Variants in PHLDB2 observed in about 807,000 individuals in gnomAD.
The protein encoded by PHLDB2 is pleckstrin homology like domain family B member 2.
PHLDB2 carries 71 observed loss-of-function variants against 123.6 expected under a neutral mutation model. That is an observed-to-expected ratio of 0.57 (90% CI 0.47 to 0.70). The LOEUF is 0.70. PHLDB2 is among the 30% of genes least tolerant of loss of function. PHLDB2 has a pLI of 0.00. For synonymous variants in PHLDB2, 547 were observed against 541.6 expected (o/e 1.01, Z -0.14); for missense variants, 1,446 against 1,519.5 (o/e 0.95, Z 0.80).
chr3:111,846,273 A>G (rs1024559684), intron 2 of PHLDB2: 19 of 227,988 alleles, frequency 8.3e-5, no homozygotes, highest in Non-Finnish European at 1.3e-4. Flanking sequence ...GATGGGATGT[A>G]TAGAGAAAGA....
intron 1 of PHLDB2, among the ~76,000 whole-genome samples, chr3:111,879,960 T>C (rs954204501): frequency 5.4e-5 from 8 of 149,196 alleles, no homozygotes; most frequent in Non-Finnish European, 1.2e-4. Flanking sequence ...TCAAGACCCA[T>C]ATCTTGAAAC....
intron 1 of PHLDB2, chr3:111,859,897 C>T: frequency 1.0e-6 from 1 of 983,202 alleles, no homozygotes; most frequent in Non-Finnish European, 1.2e-6. Flanking sequence ...GCTCCGGGGA[C>T]ACAGAGTTTC....
chr3:111,735,611 C>T (rs1004616245), intron 1 of PHLDB2, among the ~76,000 whole-genome samples: 20 of 152,226 alleles, frequency 1.3e-4, no homozygotes, highest in African/African-American at 4.1e-4. Context: ...ATCACCATGT[C>T]TACCAGCACC....
chr3:111,873,021 G>A (rs1291734297), intron 1 of PHLDB2, among the ~76,000 whole-genome samples: 2 of 152,146 alleles, frequency 1.3e-5, no homozygotes, highest in Non-Finnish European at 2.9e-5. Flanking sequence ...TATCAAACAC[G>A]AATATCCCTT....
chr3:111,859,442 G>T lies in PHLDB2; in HGVS notation c.-149G>T. On this transcript the variant is annotated 5_prime_UTR_variant, in exon 1 of 18. Transcript: ENST00000431670. ...CCGCGGTGGTTACAAAGGGGGTCAA[G>T]AGTGCCGGACCCAGCCGCGCGGAGC... 1.0e-6 allele frequency: 1 copy of T among 985,600 alleles called. No individual in the cohort carries two copies. Among genetic ancestry groups the T allele is most frequent in the Non-Finnish European group, 1.2e-6 (1 of 830,052 alleles). 61.1% of individuals were successfully genotyped at this position (985,600 alleles called of 1,614,324 possible).
chr3:111,919,528 C>G (rs1184651595), intron 4 of PHLDB2, among the ~76,000 whole-genome samples: 1 of 152,110 alleles, frequency 6.6e-6, no homozygotes, highest in Non-Finnish European at 1.5e-5. Flanking sequence ...CTGAGGTGCT[C>G]TGTATTTAGA....
rs117202143 is a variant in PHLDB2 at position 111,891,994 on chromosome 3, A to G, written c.1335+6582A>G. Among the ~76,000 whole-genome samples, 40 of 152,258 alleles carry G rather than the reference A, an allele frequency of 2.6e-4. No individual in the cohort carries two copies. The East Asian group carries it at 5.8e-3, about 22-fold the overall frequency. The stretch of plus-strand genomic sequence containing the variant: ...CCACAAATTGCATTGTAGCCATCCA[A>G]TATTTTCTTTCTGACTGGTGATAGT... On this transcript the variant is annotated intron_variant, in intron 2 of 17. Transcript: ENST00000431670.
At chr3:111,894,603 C>G (rs1282052467) in intron 2 of PHLDB2, among the ~76,000 whole-genome samples, 9 of 151,898 alleles carry the variant, frequency 5.9e-5, no homozygotes, top group Admixed American at 5.3e-4. Context: ...GATTGCCTTT[C>G]TAACTGGTGT....
chr3:111,761,815 C>T (rs965661537), intron 1 of PHLDB2, among the ~76,000 whole-genome samples: 2 of 152,142 alleles, frequency 1.3e-5, no homozygotes, highest in African/African-American at 4.8e-5. Flanking sequence ...AGAATTGAGC[C>T]ACAGAGGCCA....
Position 111,807,114 on chromosome 3 carries a change from G to GT in PHLDB2, c.-48-38704dup, listed in dbSNP as rs199758348. The stretch of plus-strand genomic sequence containing the variant: ...CTAGAATAGGAAAAAAATAAACCTG[G>GT]TTTAGGGGATCAGAATGGCTATTTC... On this transcript the variant is annotated intron_variant, in intron 1 of 17. Coordinates refer to the PHLDB2 transcript ENST00000393923. 3.6e-3 allele frequency among the ~76,000 whole-genome samples: 538 copies of GT among 151,448 alleles called. 6 individuals carry two copies. Among genetic ancestry groups the GT allele is most frequent in the African/African-American group, 0.012 (509 of 41,230 alleles).
intron 1 of PHLDB2, among the ~76,000 whole-genome samples, chr3:111,738,361 A>G (rs973417428): frequency 3.3e-5 from 5 of 152,206 alleles, no homozygotes; most frequent in Non-Finnish European, 7.3e-5. Flanking sequence ...CTGTGGCTTT[A>G]TGCCAATTTT....
At chr3:111,915,971 T>G (rs2068147618) in intron 3 of PHLDB2, 3 of 152,238 alleles carry the variant, frequency 2.0e-5, no homozygotes, top group Admixed American at 2.0e-4. Context: ...TTTGCTTCCT[T>G]TTGATCTTAA....
At chr3:111,898,178 G>T (rs375587794) in intron 2 of PHLDB2, among the ~76,000 whole-genome samples, 4 of 96,274 alleles carry the variant, frequency 4.2e-5, no homozygotes, top group South Asian at 3.8e-4. Context: ...GTGTGTGTGT[G>T]TGTTTGTGTG....
In PHLDB2 at chr3:111,952,689, A is replaced by G. The variant is rs770519942; in HGVS notation, c.2749A>G (p.Met917Val). The G allele has an allele frequency of 5.0e-6, 8 of 1,613,554 alleles. No homozygotes were observed. Among genetic ancestry groups the G allele is most frequent in the South Asian group, 2.2e-5 (2 of 90,946 alleles). ...SISPHFSSAT[M>V]GRSITPKAHL... Reference sequence around the variant, plus strand: ...CTCCCCACATTTCAGCAGTGCTACTATGGGGAGAAGCATCACCCCAAAGGT... The same window carrying G: ...CTCCCCACATTTCAGCAGTGCTACTGTGGGGAGAAGCATCACCCCAAAGGT... Residue 917 changes from methionine (M) to valine (V), a missense_variant, in exon 11 of 18, where the codon ATG (methionine) becomes GTG (valine). Coordinates refer to ENST00000431670, the MANE Select transcript of PHLDB2 (RefSeq NM_001134438.2).
chr3:111,939,063 C>T (rs951999571), intron 6 of PHLDB2, among the ~76,000 whole-genome samples: 1 of 152,160 alleles, frequency 6.6e-6, no homozygotes, highest in Non-Finnish European at 1.5e-5. Flanking sequence ...CCTCCTCAGC[C>T]TCCCAAAGTG....
chr3:111,963,834 G>A (rs759454824), intron 13 of PHLDB2, among the ~76,000 whole-genome samples: 1 of 152,136 alleles, frequency 6.6e-6, no homozygotes, highest in Non-Finnish European at 1.5e-5. Context: ...TTCTACCAAT[G>A]TTCAAAAAAT....
At chr3:111,870,824 A>C (rs1206705901) in intron 1 of PHLDB2, among the ~76,000 whole-genome samples, 8 of 152,154 alleles carry the variant, frequency 5.3e-5, no homozygotes. Flanking sequence ...TATTGTAAAC[A>C]TCAGTGCTGA....
At chr3:111,925,450 C>T (rs576558182) in intron 5 of PHLDB2, among the ~76,000 whole-genome samples, 9 of 152,230 alleles carry the variant, frequency 5.9e-5, no homozygotes, top group South Asian at 2.1e-4. Context: ...GTTGTGTTCT[C>T]GGATAGTAGC....
chr3:111,900,818 G>A (rs946456361), intron 2 of PHLDB2, among the ~76,000 whole-genome samples: 3 of 152,198 alleles, frequency 2.0e-5, no homozygotes, highest in African/African-American at 7.2e-5. Flanking sequence ...AAAGCAAAAT[G>A]CAGTAAAATG....
Sources: gnomAD v4.1 joint callset for allele counts (sites outside exome capture counted in the v4.1 genomes callset) on GRCh38, gnomAD v4.1.1 for gene constraint, MANE v1.5 for transcripts, NCBI Gene and HGNC (gene_info 2026-07-23, HGNC 2026-07-21) for gene names.